NHP2: variants seen among roughly 807,000 people sequenced by gnomAD.
NHP2 encodes H/ACA ribonucleoprotein complex subunit 2.
Under a neutral mutation model 16.7 loss-of-function variants are expected in NHP2, and 10 were observed. That is an observed-to-expected ratio of 0.60 (90% confidence interval 0.37 to 1.01). The LOEUF is 1.01. NHP2 is among the 50% of genes least tolerant of loss of function. The probability of loss-of-function intolerance (pLI) is 0.01; values close to 1 mark genes in which losing one functional copy is unlikely to be tolerated. For synonymous variants in NHP2, 87 were observed against 78.9 expected, an observed-to-expected ratio of 1.10 and a Z score of -0.54; for missense variants, 184 against 198.3, an observed-to-expected ratio of 0.93 and a Z score of 0.43.
intron 2 of NHP2, 133 bp downstream of exon 2, chr5:178,153,358 C>T: frequency 2.3e-6 from 2 of 862,364 alleles, no homozygotes; most frequent in Non-Finnish European, 3.9e-6. Flanking sequence ...ACCAAAGGGA[C>T]TTTACCGACT....
chr5:178,153,089 A>C, intron 2 of NHP2: 3 of 326,840 alleles, frequency 9.2e-6, no homozygotes, highest in South Asian at 5.2e-5. Context: ...CATCTCAAAA[A>C]CAAACAAAAA....
chr5:178,150,729 A>G (rs756306836), intron 3 of NHP2, 159 bp downstream of exon 3: 19 of 766,516 alleles, frequency 2.5e-5, no homozygotes, highest in Non-Finnish European at 4.1e-5. Context: ...AAGAAGTAAC[A>G]TATCTGTAGT....
chr5:178,153,327 G>C, intron 2 of NHP2, 164 bp downstream of exon 2: 1 of 730,986 alleles, frequency 1.4e-6, no homozygotes, highest in Non-Finnish European at 2.5e-6. Context: ...TGGTGTACCG[G>C]TATTGTCGTA....
intron 2 of NHP2, 97 bp from the exon 3 acceptor site, chr5:178,151,090 T>A: frequency 2.0e-6 from 2 of 1,022,362 alleles, no homozygotes; most frequent in Non-Finnish European, 3.1e-6. Flanking sequence ...AGAGACAAAA[T>A]TGTGTTTGGT....
chr5:178,153,420 C>T, intron 2 of NHP2, 71 bp downstream of exon 2: 6 of 1,512,678 alleles, frequency 4.0e-6, no homozygotes, highest in Non-Finnish European at 4.6e-6. Flanking sequence ...CTTTTTACTG[C>T]GCGCCTACTA....
chr5:178,149,741 T>A lies in NHP2; in HGVS notation c.434A>T (p.Glu145Val), dbSNP rs143501297. 47 of 1,613,868 alleles carry A rather than the reference T, an allele frequency of 2.9e-5. No homozygotes were observed. The highest frequency in any genetic ancestry group is 3.9e-5 in the Non-Finnish European group (46 of 1,179,984). ...YQEAYDECLEEVQSLPLPL is the reference protein window; with the variant it reads ...YQEAYDECLEVVQSLPLPL ...TAGGGGTAGGGGCAGGGACTGCACC[T>A]CCTCCAGGCACTCATCGTAAGCCTC... Residue 145 changes from glutamate (E) to valine (V), a missense_variant, in exon 4 of 4, where the codon GAG becomes GTG. Transcript: ENST00000274606.
intron 3 of NHP2, 68 bp downstream of exon 3, chr5:178,150,820 T>C: frequency 9.8e-7 from 1 of 1,017,630 alleles, no homozygotes; most frequent in South Asian, 1.3e-5. Flanking sequence ...TCCCACACTC[T>C]CCTGCTATGG....
chr5:178,149,895 A>T (rs1483020913), intron 3 of NHP2, 57 bp from the exon 4 acceptor site: 1 of 1,597,206 alleles, frequency 6.3e-7, no homozygotes, highest in Non-Finnish European at 8.6e-7. Context: ...GTATGCCAGG[A>T]AGTCACCAAC....
chr5:178,152,406 C>T (rs1286187977), intron 2 of NHP2, among the ~76,000 whole-genome samples: 1 of 149,466 alleles, frequency 6.7e-6, no homozygotes, highest in African/African-American at 2.5e-5. Context: ...GTCTTAAGAC[C>T]TCAGCTCAAA....
chr5:178,153,478 G>GGAA lies in NHP2; in HGVS notation c.230+10_230+12dup, dbSNP rs766673137. On this transcript the variant is annotated intron_variant, in intron 2 of 3. Transcript: ENST00000274606. ...TTTAGAAATGCAAAATCCAGAGGAA[G>GGAA]GAAGGTTCTTACCCTTTTTCTCCTT... 6.2e-7 allele frequency: 1 copy of GGAA among 1,613,684 alleles called. No individual in the cohort carries two copies. Among genetic ancestry groups the GGAA allele is most frequent in the Non-Finnish European group, 8.5e-7 (1 of 1,179,602 alleles).
At position 178,153,737 on chromosome 5, in the gene NHP2, C is replaced by G; in HGVS notation, c.81G>C (p.Leu27=). 6.2e-7 allele frequency: 1 copy of G among 1,613,808 alleles called. No homozygotes were observed. The highest frequency in any genetic ancestry group is 1.1e-5 in the South Asian group (1 of 91,052). ...ACSGERTYQE[L]LVNQNPIAQP... ...GCGCGATGGGGTTCTGGTTGACCAG[C>G]AGCTCCTGGTAGGTGCGCTCCCCGG... Residue 27 remains leucine, a synonymous_variant, in exon 1 of 4, where the codon CTG becomes CTC. Transcript: ENST00000274606.
In NHP2 at chr5:178,149,962, A is replaced by G. The variant is rs1756223581; in HGVS notation, c.337-124T>C. The G allele has an allele frequency of 3.8e-6, 4 of 1,044,864 alleles. No individual in the cohort carries two copies. The East Asian group carries it at 7.5e-5, about 20-fold the overall frequency. 64.7% of individuals were successfully genotyped at this position (1,044,864 alleles called of 1,614,324 possible). On this transcript the variant is annotated intron_variant, in intron 3 of 3. Transcript: ENST00000274606. Reference sequence around the variant, plus strand: ...CCATGTTCTGTTCGGTCCATGTTCTATTTAAAAGCATCTTGAATTGGTTGC... The same window carrying G: ...CCATGTTCTGTTCGGTCCATGTTCTGTTTAAAAGCATCTTGAATTGGTTGC...
At chr5:178,151,337 G>A (rs1257149861) in intron 2 of NHP2, among the ~76,000 whole-genome samples, 1 of 152,128 alleles carries the variant, frequency 6.6e-6, no homozygotes, top group Non-Finnish European at 1.5e-5. Context: ...TGTGGTGTGA[G>A]AATCAGAACG....
At chr5:178,153,389 T>C (rs1229704271) in intron 2 of NHP2, 102 bp downstream of exon 2, 1 of 1,192,284 alleles carries the variant, frequency 8.4e-7, no homozygotes, top group Non-Finnish European at 1.3e-6. Flanking sequence ...CTTCTGTATA[T>C]GGGGCTAGGT....
intron 2 of NHP2, 29 bp from the exon 3 acceptor site, chr5:178,151,022 T>C (rs1451212618): frequency 1.3e-6 from 2 of 1,571,772 alleles, no homozygotes; most frequent in Admixed American, 3.3e-5. Flanking sequence ...CTGTCATCTC[T>C]GGCTTGCTCC....
chr5:178,149,885 G>C, intron 3 of NHP2, 47 bp from the exon 4 acceptor site: 1 of 1,605,468 alleles, frequency 6.2e-7, no homozygotes, highest in Non-Finnish European at 8.5e-7. Context: ...TGTACAACCT[G>C]TATGCCAGGA....
At chr5:178,152,548 G>A (rs980450726) in intron 2 of NHP2, among the ~76,000 whole-genome samples, 2 of 152,210 alleles carry the variant, frequency 1.3e-5, no homozygotes, top group East Asian at 3.8e-4. Flanking sequence ...AAAGCAAGGA[G>A]GCCCTGTTCT....
intron 2 of NHP2, among the ~76,000 whole-genome samples, chr5:178,152,895 C>T (rs1462536764): frequency 2.0e-5 from 3 of 152,182 alleles, no homozygotes; most frequent in African/African-American, 7.2e-5. Context: ...AAGACCAGCC[C>T]GGGCAACATG....
intron 2 of NHP2, among the ~76,000 whole-genome samples, chr5:178,152,405 C>G (rs35885458): frequency 0.27 from 37,075 of 139,552 alleles, 5,295 homozygotes; most frequent in African/African-American, 0.41. Context: ...TGTCTTAAGA[C>G]CTCAGCTCAA....
Sources: allele counts gnomAD v4.1 joint callset (sites outside exome capture counted in the v4.1 genomes callset), GRCh38; gene constraint gnomAD v4.1.1; transcripts MANE v1.5; gene names NCBI Gene and HGNC (gene_info 2026-07-23, HGNC 2026-07-21).